SGCZ: variants seen among roughly 807,000 people sequenced by gnomAD.
The protein encoded by SGCZ is sarcoglycan zeta, also known as zeta-sarcoglycan.
In SGCZ, 40 loss-of-function variants were observed where a neutral mutation model predicts 41.3. That is an observed-to-expected ratio of 0.97 (90% CI 0.75 to 1.26). The LOEUF (loss-of-function observed/expected upper bound fraction) is 1.26. SGCZ is among the 50% of genes most tolerant of loss of function. The pLI is 0.00. For synonymous variants in SGCZ, 206 were observed against 137.5 expected, an observed-to-expected ratio of 1.50 and a Z score of -3.49; for missense variants, 552 against 369.8, an observed-to-expected ratio of 1.49 and a Z score of -4.04.
At chr8:14,206,559 C>T (rs1273347076) in intron 4 of SGCZ, among the ~76,000 whole-genome samples, 1 of 152,270 alleles carries the variant, frequency 6.6e-6, no homozygotes, top group East Asian at 1.9e-4. Context: ...GAGATAATTT[C>T]ATCCAGTGAG....
At position 14,197,093 on chromosome 8, in the gene SGCZ, G is replaced by A. The variant is rs551426520; in HGVS notation, c.425-32391C>T. Among the ~76,000 whole-genome samples the A allele has an allele frequency of 8.2e-4, 125 of 152,242 alleles. 1 individual carries two copies. The highest frequency in any genetic ancestry group is 2.9e-3 in the African/African-American group (122 of 41,566). ...TAAAATGTACATTTAAAATGAACAT[G>A]TTTAATATCATGTAAATTAAATAGC... is the stretch of plus-strand genomic sequence containing the variant. On this transcript the variant is annotated intron_variant, in intron 4 of 7. Coordinates refer to ENST00000382080, the MANE Select transcript of SGCZ (RefSeq NM_139167.4).
At chr8:14,495,472 G>A (rs1311652728) in intron 2 of SGCZ, among the ~76,000 whole-genome samples, 3 of 152,240 alleles carry the variant, frequency 2.0e-5, no homozygotes, top group East Asian at 1.9e-4. Flanking sequence ...AAGTATCACT[G>A]AAAAAGTCTG....
Position 14,142,084 on chromosome 8 carries a change from G to A in SGCZ, c.547+22496C>T, listed in dbSNP as rs541371254. Among the ~76,000 whole-genome samples, 12 of 152,206 alleles carry A rather than the reference G, an allele frequency of 7.9e-5. No homozygotes were observed. In the East Asian group the frequency reaches 9.7e-4, roughly 12 times the overall value. The stretch of plus-strand genomic sequence containing the variant: ...TCGCAAGGACAGAAAACCAAACACC[G>A]CATGTTCTCACTCATAGGTGGGAAT... On this transcript the variant is annotated intron_variant, in intron 5 of 7. Coordinates refer to ENST00000382080, the MANE Select transcript of SGCZ (RefSeq NM_139167.4).
chr8:14,907,866 T>A (rs1232616711), intron 1 of SGCZ, among the ~76,000 whole-genome samples: 4 of 152,116 alleles, frequency 2.6e-5, no homozygotes, highest in Admixed American at 6.5e-5. Context: ...CAAAATAATA[T>A]TTAGGATGTA....
At chr8:15,179,309 T>G (rs1246831969) in intron 1 of SGCZ, among the ~76,000 whole-genome samples, 1 of 152,182 alleles carries the variant, frequency 6.6e-6, no homozygotes, top group Non-Finnish European at 1.5e-5. Flanking sequence ...ATTAGACTTC[T>G]TTTCCTTAGC....
intron 1 of SGCZ, among the ~76,000 whole-genome samples, chr8:14,643,834 C>G (rs1807112956): frequency 6.6e-6 from 1 of 151,668 alleles, no homozygotes; most frequent in Non-Finnish European, 1.5e-5. Flanking sequence ...CACAGAAACC[C>G]TCTTTTCACA....
At chr8:14,231,879 A>G (rs950988010) in intron 4 of SGCZ, among the ~76,000 whole-genome samples, 1 of 152,044 alleles carries the variant, frequency 6.6e-6, no homozygotes, top group Non-Finnish European at 1.5e-5. Context: ...CCCCTTTATT[A>G]CCAGGAACAT....
intron 4 of SGCZ, among the ~76,000 whole-genome samples, chr8:14,221,876 G>C (rs62492335): frequency 0.24 from 36,129 of 151,668 alleles, 5,535 homozygotes; most frequent in Non-Finnish European, 0.34. Flanking sequence ...CAGGAAAATC[G>C]CTTGAACCCG....
intron 1 of SGCZ, among the ~76,000 whole-genome samples, chr8:15,047,088 A>G (rs190872503): frequency 1.3e-5 from 2 of 152,126 alleles, no homozygotes; most frequent in African/African-American, 2.4e-5. Context: ...ATATATATCA[A>G]TGTATAATGC....
intron 1 of SGCZ, among the ~76,000 whole-genome samples, chr8:14,624,328 G>A (rs924918858): frequency 2.6e-5 from 4 of 151,996 alleles, no homozygotes; most frequent in Non-Finnish European, 5.9e-5. Context: ...TGGTTCTAAT[G>A]TTTCCTCGGC....
chr8:15,114,609 T>C (rs1321056346), intron 1 of SGCZ, among the ~76,000 whole-genome samples: 1 of 152,192 alleles, frequency 6.6e-6, no homozygotes, highest in Non-Finnish European at 1.5e-5. Flanking sequence ...TGCTTATTGT[T>C]AGAAGTACAA....
intron 1 of SGCZ, among the ~76,000 whole-genome samples, chr8:15,201,760 C>CT (rs1299027323): frequency 6.6e-6 from 1 of 152,128 alleles, no homozygotes; most frequent in Non-Finnish European, 1.5e-5. Context: ...CACCTTCTGG[C>CT]TTTTTGGTAA....
intron 1 of SGCZ, among the ~76,000 whole-genome samples, chr8:14,725,256 T>C (rs1448833000): frequency 6.6e-6 from 1 of 152,226 alleles, no homozygotes; most frequent in Non-Finnish European, 1.5e-5. Context: ...GACACTTAAT[T>C]CCCTACTTTG....
chr8:14,763,188 G>C (rs1563253006), intron 1 of SGCZ, among the ~76,000 whole-genome samples: 1 of 152,164 alleles, frequency 6.6e-6, no homozygotes, highest in Non-Finnish European at 1.5e-5. Context: ...AGACTGGCCT[G>C]TCAAGTTCTT....
chr8:15,141,511 G>A (rs995519794), intron 1 of SGCZ, among the ~76,000 whole-genome samples: 3 of 152,312 alleles, frequency 2.0e-5, no homozygotes, highest in Non-Finnish European at 4.4e-5. Flanking sequence ...GGAAGTAATT[G>A]TACTCTCAAT....
chr8:15,022,091 C>A (rs1225419551), intron 1 of SGCZ, among the ~76,000 whole-genome samples: 1 of 152,178 alleles, frequency 6.6e-6, no homozygotes, highest in African/African-American at 2.4e-5. Flanking sequence ...AGGCACAAAA[C>A]CGTTAAGGTG....
chr8:14,386,403 AG>A (rs760654704), intron 2 of SGCZ, among the ~76,000 whole-genome samples: 9 of 152,162 alleles, frequency 5.9e-5, no homozygotes, highest in Non-Finnish European at 1.0e-4. Flanking sequence ...TAATCCAAAA[AG>A]CTCTGAAGTT....
At chr8:14,768,022 T>A (rs1466880722) in intron 1 of SGCZ, among the ~76,000 whole-genome samples, 1 of 152,166 alleles carries the variant, frequency 6.6e-6, no homozygotes, top group Non-Finnish European at 1.5e-5. Context: ...TTCTCACACA[T>A]CTTGTTGTTT....
rs999337366 is a variant in SGCZ at position 15,180,836 on chromosome 8, G to A, written c.39+56749C>T. Among the ~76,000 whole-genome samples, 45 of 150,958 alleles carry A rather than the reference G, an allele frequency of 3.0e-4. 2 individuals are homozygous for A. The highest frequency in any genetic ancestry group is 1.0e-3 in the African/African-American group (43 of 41,042). ...CAGGAGGCAGAGTTTGCAGTGAGCC[G>A]AGATCATGCCACTGCACTCCAGCCT... On this transcript the variant is annotated intron_variant, in intron 1 of 7. Transcript: ENST00000382080.
Sources: gnomAD v4.1 joint callset for allele counts (sites outside exome capture counted in the v4.1 genomes callset) on GRCh38, gnomAD v4.1.1 for gene constraint, MANE v1.5 for transcripts, NCBI Gene and HGNC (gene_info 2026-07-23, HGNC 2026-07-21) for gene names.